CHMP5: variants seen among roughly 807,000 people sequenced by gnomAD.
The protein encoded by CHMP5 is charged multivesicular body protein 5, also known as SNF7 domain containing 2.
Under a neutral mutation model 33.0 loss-of-function variants are expected in CHMP5, and 17 were observed. The ratio of observed to expected loss-of-function variants is 0.52; its 90% confidence interval spans 0.35 to 0.77. The LOEUF is 0.77. CHMP5 is among the 30% of genes least tolerant of loss of function. The pLI is 0.01. For synonymous variants in CHMP5, 76 were observed against 90.2 expected (o/e 0.84, Z 0.89); for missense variants, 216 against 261.5 (o/e 0.83, Z 1.20).
chr9:33,280,748 A>AT, intron 7 of CHMP5, 61 bp from the exon 8 acceptor site: 1 of 1,407,566 alleles, frequency 7.1e-7, no homozygotes, highest in Non-Finnish European at 9.9e-7. Context: ...AATGTTTGTA[A>AT]TCCTTTTTTT....
At chr9:33,266,254 CGAGG>C in intron 2 of CHMP5, 140 bp downstream of exon 2, 1 of 500,208 alleles carries the variant, frequency 2.0e-6, no homozygotes, top group South Asian at 2.1e-5. Flanking sequence ...GGGTGGATCA[CGAGG>C]TCAGGCATTT....
Position 33,265,084 on chromosome 9 carries a change from C to A in CHMP5, c.6C>A (p.Asn2Lys), listed in dbSNP as rs1178745276. 2.5e-6 allele frequency: 4 copies of A among 1,614,230 alleles called. No individual in the cohort carries two copies. The South Asian group carries it at 3.3e-5, about 13-fold the overall frequency. ...TTTCTTCGCGGCTGCTCAAGATGAA[C>A]CGACTCTTCGGGAAAGCGAAACCCA... is the stretch of plus-strand genomic sequence containing the variant. M[N>K]RLFGKAKPKA... The change falls in exon 1 of 8, where the codon AAC becomes AAA. Residue 2 changes from asparagine (N) to lysine (K), a missense_variant. By Grantham distance (94) the Asn-to-Lys change is moderately conservative. Transcript: ENST00000223500.
At chr9:33,270,771 T>C in intron 4 of CHMP5, 55 bp downstream of exon 4, 1 of 1,420,286 alleles carries the variant, frequency 7.0e-7, no homozygotes, top group South Asian at 1.2e-5. Context: ...TATTCTCTTT[T>C]CCGATGGCTT....
Position 33,280,910 on chromosome 9 carries a change from A to G in CHMP5, c.*51A>G. ...TAAAACAAACACATATTATGGGACT[A>G]GGAAATATTTATCTTTCCAAATTTG... On this transcript the variant is annotated 3_prime_UTR_variant, in exon 8 of 8. Transcript: ENST00000223500. 2 of 1,456,810 alleles carry G rather than the reference A, an allele frequency of 1.4e-6. No individual in the cohort carries two copies. The highest frequency in any genetic ancestry group is 2.3e-5 in the East Asian group (1 of 43,004). 90.2% of individuals were successfully genotyped at this position (1,456,810 alleles called of 1,614,324 possible).
intron 1 of CHMP5, 70 bp downstream of exon 1, chr9:33,265,217 C>T (rs1259797199): frequency 3.2e-5 from 47 of 1,483,188 alleles, no homozygotes; most frequent in Non-Finnish European, 4.4e-5. Flanking sequence ...CCCCCAGCCC[C>T]GGGCCCATAT....
intron 2 of CHMP5, among the ~76,000 whole-genome samples, chr9:33,267,611 A>G (rs1825086754): frequency 6.6e-6 from 1 of 152,126 alleles, no homozygotes; most frequent in South Asian, 2.1e-4. Flanking sequence ...ATGCATTAGG[A>G]AAAGAGAAAG....
At chr9:33,277,776 GTTACA>G (rs1177361453) in intron 6 of CHMP5, 1 of 185,890 alleles carries the variant, frequency 5.4e-6, no homozygotes, top group African/African-American at 2.3e-5. Flanking sequence ...TGATTCCCCT[GTTACA>G]TTACTACTGC....
chr9:33,274,611 AT>A (rs1820831350), intron 5 of CHMP5, among the ~76,000 whole-genome samples: 2 of 152,124 alleles, frequency 1.3e-5, no homozygotes, highest in East Asian at 3.9e-4. Context: ...AGATATGGCT[AT>A]TTTATTTATT....
At position 33,278,171 on chromosome 9, in the gene CHMP5, G is replaced by A; in HGVS notation, c.555G>A (p.Glu185=). 1 of 1,613,424 alleles carries A rather than the reference G, an allele frequency of 6.2e-7. No individual in the cohort carries two copies. The highest frequency in any genetic ancestry group is 8.5e-7 in the Non-Finnish European group (1 of 1,179,656). The change falls in exon 7 of 8, where the codon GAG becomes GAA. Residue 185 remains glutamate (E), a synonymous_variant. Coordinates refer to ENST00000223500, the MANE Select transcript of CHMP5 (RefSeq NM_016410.6). ...LADEDSSYLD[E]AASAPAIPEG... is the part of the protein sequence containing the mutation. ...ATGAAGACAGTTCTTATTTGGATGA[G>A]GCAGCATCTGCACCTGCAATTCCAG... is the stretch of plus-strand genomic sequence containing the variant.
chr9:33,269,616 A>G (rs920821686), intron 3 of CHMP5, among the ~76,000 whole-genome samples: 1 of 152,236 alleles, frequency 6.6e-6, no homozygotes, highest in African/African-American at 2.4e-5. Context: ...AAATAGTTTT[A>G]CCCTTTGCTC....
intron 5 of CHMP5, 49 bp from the exon 6 acceptor site, chr9:33,276,407 A>G (rs745902945): frequency 9.3e-7 from 1 of 1,077,498 alleles, no homozygotes; most frequent in Non-Finnish European, 1.4e-6. Flanking sequence ...AAGGGTAGTT[A>G]AAAGAAAATG....
At chr9:33,274,647 G>A (rs539860944) in intron 5 of CHMP5, among the ~76,000 whole-genome samples, 3 of 152,040 alleles carry the variant, frequency 2.0e-5, no homozygotes, top group East Asian at 3.9e-4. Flanking sequence ...ACAGAGTCTC[G>A]CTCTGTCGCC....
chr9:33,271,281 G>A (rs755159069), intron 5 of CHMP5, 58 bp downstream of exon 5: 12 of 1,347,266 alleles, frequency 8.9e-6, no homozygotes, highest in African/African-American at 2.9e-5. Flanking sequence ...GAATCCAAAC[G>A]AGTGTGCATG....
chr9:33,266,112 A>G lies in CHMP5; in HGVS notation c.172A>G (p.Lys58Glu). 1 of 1,605,800 alleles carries G rather than the reference A, an allele frequency of 6.2e-7. No homozygotes were observed. ...CAAGAAGATGAGAGAGGGTCCTGCA[A>G]AGGTAAGGTGGGCAGCAACTGCTGC... The part of the protein sequence containing the change: ...QIKKMREGPA[K>E]NMVKQKALRV... Residue 58 changes from lysine (K) to glutamate (E), a missense_variant and splice_region_variant, in exon 2 of 8, where the codon AAG (lysine) becomes GAG (glutamate). By Grantham distance (56) the Lys-to-Glu change is moderately conservative. Coordinates refer to ENST00000223500, the MANE Select transcript of CHMP5 (RefSeq NM_016410.6).
At chr9:33,266,970 C>G (rs548268229) in intron 2 of CHMP5, among the ~76,000 whole-genome samples, 1 of 152,192 alleles carries the variant, frequency 6.6e-6, no homozygotes, top group Admixed American at 6.5e-5. Context: ...AGATCCATAA[C>G]TTATTAACCA....
intron 5 of CHMP5, among the ~76,000 whole-genome samples, chr9:33,271,979 C>T (rs1272034997): frequency 6.6e-6 from 1 of 152,114 alleles, no homozygotes; most frequent in Admixed American, 6.5e-5. Flanking sequence ...AATGTTTAAC[C>T]CAACTCCTGG....
chr9:33,278,195 A>G lies in CHMP5; in HGVS notation c.579A>G (p.Pro193=), dbSNP rs1282355263. 3 of 1,611,738 alleles carry G rather than the reference A, an allele frequency of 1.9e-6. No individual in the cohort carries two copies. Among genetic ancestry groups the G allele is most frequent in the Non-Finnish European group, 2.5e-6 (3 of 1,178,414 alleles). Residue 193 remains proline (P), a synonymous_variant, in exon 7 of 8, where the codon CCA becomes CCG. Transcript: ENST00000223500. ...LDEAASAPAI[P]EGVPTDTKNK... ...AGGCAGCATCTGCACCTGCAATTCC[A>G]GAAGGTGTTCCCACTGATACAAAAA... is the stretch of plus-strand genomic sequence containing the variant.
At chr9:33,279,281 T>G (rs1349894078) in intron 7 of CHMP5, among the ~76,000 whole-genome samples, 1 of 152,142 alleles carries the variant, frequency 6.6e-6, no homozygotes, top group Non-Finnish European at 1.5e-5. Flanking sequence ...TGTCTTCTTT[T>G]TGAACCTCAT....
At chr9:33,273,144 A>AT (rs999850713) in intron 5 of CHMP5, among the ~76,000 whole-genome samples, 7 of 151,656 alleles carry the variant, frequency 4.6e-5, no homozygotes, top group Non-Finnish European at 1.5e-5. Context: ...TAATTTTTGT[A>AT]TTTTTTTAGT....
Sources: allele counts gnomAD v4.1 joint callset (sites outside exome capture counted in the v4.1 genomes callset), GRCh38; gene constraint gnomAD v4.1.1; transcripts MANE v1.5; gene names NCBI Gene and HGNC (gene_info 2026-07-23, HGNC 2026-07-21).